AGMO: variants seen among roughly 807,000 people sequenced by gnomAD.
The protein encoded by AGMO is glyceryl-ether monooxygenase.
A neutral mutation model predicts 60.2 loss-of-function variants in AGMO; 75 were observed. That is an observed-to-expected ratio of 1.25 (90% CI 1.03 to 1.51). The LOEUF is 1.51. Among genes scored for constraint, AGMO ranks in the 40% most tolerant of loss-of-function variants. AGMO has a pLI of 0.00. For missense variants in AGMO, 763 were observed against 525.5 expected, an observed-to-expected ratio of 1.45 and a Z score of -4.42; for synonymous variants, 261 against 177.1, an observed-to-expected ratio of 1.47 and a Z score of -3.76.
chr7:15,282,965 T>G (rs982003169), intron 12 of AGMO, among the ~76,000 whole-genome samples: 3 of 152,054 alleles, frequency 2.0e-5, no homozygotes, highest in Admixed American at 6.5e-5. Flanking sequence ...AACTGTCAGT[T>G]AAGAATTCTG....
At position 15,466,917 on chromosome 7, in the gene AGMO, T is replaced by C. The variant is rs567962834; in HGVS notation, c.410-35809A>G. On this transcript the variant is annotated intron_variant, in intron 3 of 12. Coordinates refer to ENST00000342526, the MANE Select transcript of AGMO (RefSeq NM_001004320.2). ...ATTGTAGGTAAGGTTACCAGGGAAA[T>C]GGAAAGGAGGAAAATGATTAGTAAT... 3.3e-5 allele frequency among the ~76,000 whole-genome samples: 5 copies of C among 152,052 alleles called. No homozygotes were observed. The South Asian group carries it at 8.3e-4, about 25-fold the overall frequency.
intron 12 of AGMO, among the ~76,000 whole-genome samples, chr7:15,357,685 A>G (rs2128557577): frequency 6.6e-6 from 1 of 152,312 alleles, no homozygotes; most frequent in East Asian, 1.9e-4. Context: ...GGCCCACTAG[A>G]GGGTGAGAGG....
intron 3 of AGMO, among the ~76,000 whole-genome samples, chr7:15,432,552 A>C (rs996872600): frequency 6.6e-6 from 1 of 151,530 alleles, no homozygotes; most frequent in Non-Finnish European, 1.5e-5. Context: ...TATAAACAGA[A>C]CTGTGGTTAG....
At chr7:15,249,510 A>C (rs2128505968) in intron 12 of AGMO, among the ~76,000 whole-genome samples, 1 of 152,286 alleles carries the variant, frequency 6.6e-6, no homozygotes, top group South Asian at 2.1e-4. Flanking sequence ...TCTTGTTTTG[A>C]GGAAATGATG....
chr7:15,403,261 T>G (rs563070213), intron 5 of AGMO, among the ~76,000 whole-genome samples: 169 of 151,584 alleles, frequency 1.1e-3, no homozygotes, highest in African/African-American at 4.0e-3. Flanking sequence ...TTTAGTTTCC[T>G]GTAGTGCAGA....
chr7:15,123,726 T>C, the AGMO span, among the ~76,000 whole-genome samples: 2 of 151,902 alleles, frequency 1.3e-5, no homozygotes, highest in Non-Finnish European at 2.9e-5. Flanking sequence ...TATGCTTCAC[T>C]GAAAAAAGTG....
intron 3 of AGMO, among the ~76,000 whole-genome samples, chr7:15,524,148 T>C (rs1447258253): frequency 6.6e-6 from 1 of 152,000 alleles, no homozygotes; most frequent in Non-Finnish European, 1.5e-5. Flanking sequence ...GAAGTATAAA[T>C]ATGAAAGTGT....
At chr7:15,561,272 G>A (rs141897112) in intron 1 of AGMO, among the ~76,000 whole-genome samples, 1 of 152,256 alleles carries the variant, frequency 6.6e-6, no homozygotes, top group Non-Finnish European at 1.5e-5. Flanking sequence ...AGTCAGAGCT[G>A]GACCTGGTCA....
chr7:15,561,053 T>C (rs953465626), intron 1 of AGMO, among the ~76,000 whole-genome samples: 1 of 152,198 alleles, frequency 6.6e-6, no homozygotes, highest in Non-Finnish European at 1.5e-5. Flanking sequence ...GAACTCTCAA[T>C]AACATATTCT....
the AGMO span, among the ~76,000 whole-genome samples, chr7:15,121,325 G>C: frequency 6.6e-6 from 1 of 151,994 alleles, no homozygotes; most frequent in Non-Finnish European, 1.5e-5. Flanking sequence ...ATAATCCTTT[G>C]GGTATATACC....
chr7:15,158,308 A>G, the AGMO span, among the ~76,000 whole-genome samples: 1 of 152,296 alleles, frequency 6.6e-6, no homozygotes, highest in African/African-American at 2.4e-5. Context: ...CAGCACTGCT[A>G]TAGGACACGG....
intron 3 of AGMO, among the ~76,000 whole-genome samples, chr7:15,472,657 C>T (rs1270478250): frequency 6.6e-6 from 1 of 152,088 alleles, no homozygotes; most frequent in African/African-American, 2.4e-5. Flanking sequence ...GAAAAACATA[C>T]TTGTTTGATG....
chr7:15,545,833 CA>C (rs967032834), intron 2 of AGMO, among the ~76,000 whole-genome samples: 3 of 151,746 alleles, frequency 2.0e-5, no homozygotes, highest in African/African-American at 7.3e-5. Flanking sequence ...TCACTTTTAT[CA>C]ATTTGATTGA....
intron 12 of AGMO, among the ~76,000 whole-genome samples, chr7:15,252,957 G>C (rs556504639): frequency 6.6e-6 from 1 of 152,232 alleles, no homozygotes; most frequent in Admixed American, 6.5e-5. Context: ...GCTGGTAAAA[G>C]ATAAAATAAA....
intron 3 of AGMO, among the ~76,000 whole-genome samples, chr7:15,528,495 TA>T (rs1377793961): frequency 6.6e-6 from 1 of 152,098 alleles, no homozygotes; most frequent in Non-Finnish European, 1.5e-5. Context: ...TAACATCGTT[TA>T]TGAACTTTTT....
Position 15,472,542 on chromosome 7 carries a change from A to G in AGMO, c.410-41434T>C, listed in dbSNP as rs953283588. Among the ~76,000 whole-genome samples, 120 of 152,066 alleles carry G rather than the reference A, an allele frequency of 7.9e-4. 1 individual carries two copies. Among genetic ancestry groups the G allele is most frequent in the African/African-American group, 2.7e-3 (113 of 41,532 alleles). On this transcript the variant is annotated intron_variant, in intron 3 of 12. Transcript: ENST00000342526. ...CCAGCCGCAACTCTCAACTTTATAC[A>G]TGAAAAGTAAAATGCAGTGTTGCTT...
the AGMO span, among the ~76,000 whole-genome samples, chr7:15,161,499 CAT>C: frequency 0.038 from 5,756 of 151,414 alleles, 148 homozygotes; most frequent in Non-Finnish European, 0.053. Context: ...TAAATACACA[CAT>C]ATGTCATATA....
chr7:15,307,549 TAAG>T (rs947006782), intron 12 of AGMO, among the ~76,000 whole-genome samples: 9 of 151,870 alleles, frequency 5.9e-5, no homozygotes, highest in Admixed American at 1.3e-4. Flanking sequence ...ATGAAGCCTA[TAAG>T]AAGGACACTA....
intron 2 of AGMO, among the ~76,000 whole-genome samples, chr7:15,550,821 G>A (rs1288753619): frequency 2.2e-5 from 3 of 139,528 alleles, no homozygotes; most frequent in African/African-American, 8.2e-5. Flanking sequence ...ATTTTATGAG[G>A]CCAGCATCAT....
Sources: allele counts gnomAD v4.1 joint callset (sites outside exome capture counted in the v4.1 genomes callset), GRCh38; gene constraint gnomAD v4.1.1; transcripts MANE v1.5; gene names NCBI Gene and HGNC (gene_info 2026-07-23, HGNC 2026-07-21).